TAF1: variants seen among roughly 807,000 people sequenced by gnomAD.
TAF1 encodes TATA-box binding protein associated factor 1.
Under a neutral mutation model 138.5 loss-of-function variants are expected in TAF1, and 2 were observed. That is an observed-to-expected ratio of 0.01 (90% CI 0.01 to 0.05). The LOEUF is 0.05. TAF1 is among the 10% of genes least tolerant of loss of function. The pLI is 1.00. For synonymous variants in TAF1, 437 were observed against 503.2 expected, an observed-to-expected ratio of 0.87 and a Z score of 1.76; for missense variants, 709 against 1,478.0, an observed-to-expected ratio of 0.48 and a Z score of 8.53.
intron 13 of TAF1, among the ~76,000 whole-genome samples, chrX:71,504,741 CAAAAAAA>C (rs41370846): frequency 4.2e-3 from 24 of 5,691 alleles, no homozygotes; most frequent in Non-Finnish European, 6.6e-3. Context: ...GACCCTGTCT[CAAAAAAA>C]AAAAAAAAAA....
intron 13 of TAF1, among the ~76,000 whole-genome samples, chrX:71,495,611 G>C (rs1312676728): frequency 2.7e-5 from 3 of 112,072 alleles, no homozygotes; most frequent in Admixed American, 9.5e-5. Flanking sequence ...GACAGTTTTG[G>C]AGAGTCACTG....
intron 15 of TAF1, 142 bp from the exon 16 acceptor site, chrX:71,388,095 G>A (rs1476659068): frequency 2.0e-5 from 18 of 901,364 alleles, no homozygotes; most frequent in Non-Finnish European, 2.6e-5. Context: ...GCGAGACTCC[G>A]TCTCAGAAAA....
Position 71,389,777 on chromosome X carries a change from T to C in TAF1, c.2781+112T>C. 6 of 528,718 alleles carry C rather than the reference T, an allele frequency of 1.1e-5. No individual in the cohort carries two copies. The South Asian group carries it at 2.4e-4, about 21-fold the overall frequency. The allele number at this position is 528,718 out of a possible 1,213,427, so 43.6% of individuals were successfully genotyped here. A position where few individuals can be genotyped will look rare whatever the true frequency, so the allele number is the denominator to read the frequency against. ...TAAACTGTACACATTTAAAGTATAC[T>C]GTTAGATGTTCTTGCTTTATTCATG... On this transcript the variant is annotated intron_variant, in intron 18 of 37. Transcript: ENST00000423759.
intron 13 of TAF1, chrX:71,492,597 G>T: frequency 7.7e-6 from 1 of 130,357 alleles, no homozygotes; most frequent in East Asian, 2.3e-4. Context: ...CTCTCCACCA[G>T]CTCCACCCTC....
At chrX:71,466,749 T>C (rs58897393), downstream of TAF1, among the ~76,000 whole-genome samples, 8,144 of 110,659 alleles carry the variant, frequency 0.074, 666 homozygotes, top group African/African-American at 0.24. Flanking sequence ...CTACCTTGTC[T>C]TCCCAAAGTG....
chrX:71,478,587 C>T (rs2039019779), intron 13 of TAF1, among the ~76,000 whole-genome samples: 1 of 111,468 alleles, frequency 9.0e-6, no homozygotes, highest in Admixed American at 9.6e-5. Context: ...TGGCTCACAC[C>T]TGTAATCTCA....
At chrX:71,517,596 G>A (rs906403151) in intron 13 of TAF1, among the ~76,000 whole-genome samples, 2 of 111,985 alleles carry the variant, frequency 1.8e-5, no homozygotes, top group African/African-American at 6.5e-5. Flanking sequence ...CAGTCCTACA[G>A]CCACAAGGAA....
chrX:71,445,082 G>T (rs1357399694), intron 32 of TAF1, among the ~76,000 whole-genome samples: 3 of 109,919 alleles, frequency 2.7e-5, no homozygotes, highest in Admixed American at 9.8e-5. Flanking sequence ...GGTTGCTTCA[G>T]GTCAGGAGTT....
intron 36 of TAF1, 144 bp downstream of exon 36, chrX:71,459,852 G>A: frequency 1.9e-6 from 2 of 1,031,421 alleles, no homozygotes; most frequent in Non-Finnish European, 2.6e-6. Flanking sequence ...TGAGAGTACT[G>A]AGCACTCAGG....
At chrX:71,382,066 GT>G in intron 9 of TAF1, 147 bp downstream of exon 9, 1 of 663,642 alleles carries the variant, frequency 1.5e-6, no homozygotes, top group South Asian at 5.2e-5. Context: ...TTGGCTGTTA[GT>G]TTATATTATT....
intron 28 of TAF1, chrX:71,416,656 A>C (rs33978282): frequency 3.3e-6 from 1 of 298,699 alleles, no homozygotes; most frequent in African/African-American, 2.8e-5. Flanking sequence ...GTCGATAGAA[A>C]AGGGGCACAG....
chrX:71,399,253 CTTTTTT>C (rs1159549890), intron 24 of TAF1, among the ~76,000 whole-genome samples: 2 of 70,344 alleles, frequency 2.8e-5, no homozygotes, highest in African/African-American at 1.1e-4. Flanking sequence ...CATTTATTCT[CTTTTTT>C]TTTTTTTTTT....
chrX:71,379,127 T>C (rs958808989), intron 8 of TAF1, 96 bp downstream of exon 8: 3 of 837,403 alleles, frequency 3.6e-6, no homozygotes, highest in Non-Finnish European at 4.9e-6. Context: ...TTTTTTTTTT[T>C]TCGGTGAGAC....
intron 32 of TAF1, among the ~76,000 whole-genome samples, chrX:71,426,768 C>G (rs775996866): frequency 9.1e-6 from 1 of 110,103 alleles, no homozygotes; most frequent in Non-Finnish European, 1.9e-5. Flanking sequence ...AGTGTACATA[C>G]TGGTAAATAA....
chrX:71,487,389 C>A (rs1268455475), intron 13 of TAF1, among the ~76,000 whole-genome samples: 3 of 99,996 alleles, frequency 3.0e-5, no homozygotes, highest in Non-Finnish European at 4.0e-5. Context: ...AGTGGCGCGA[C>A]CTTGGCTCAC....
At position 71,381,966 on chromosome X, in the gene TAF1, C is replaced by T. The variant is rs780765615; in HGVS notation, c.1537+47C>T. On this transcript the variant is annotated intron_variant, in intron 9 of 37. Transcript: ENST00000423759. ...GTGTTTCTTCTCCTTTGAAAACTTG[C>T]TGTTAATGTCAACGGGCAGGAGGAA... 4.3e-5 allele frequency: 47 copies of T among 1,099,759 alleles called. No homozygotes were observed. In the South Asian group the frequency reaches 1.0e-3, roughly 24 times the overall value. The allele number at this position is 1,099,759 out of a possible 1,213,427, so 90.6% of individuals were successfully genotyped here. A position where few individuals can be genotyped will look rare whatever the true frequency, so the allele number is the denominator to read the frequency against.
At chrX:71,463,687 T>C in intron 37 of TAF1, 137 bp from the exon 38 acceptor site, 2 of 552,989 alleles carry the variant, frequency 3.6e-6, no homozygotes, top group Admixed American at 7.2e-5. Context: ...CTCAGGGACA[T>C]GTAGAATAGT....
Position 71,408,099 on chromosome X carries a change from A to G in TAF1, c.4332A>G (p.Glu1444=). 1 of 1,211,643 alleles carries G rather than the reference A, an allele frequency of 8.3e-7. No individual in the cohort carries two copies. The highest frequency in any genetic ancestry group is 1.1e-6 in the Non-Finnish European group (1 of 895,562). ...NVRKRLYPSR[E]EFREHLELIV... ...GTAAACGCCTCTACCCATCTCGGGA[A>G]GAGTTCAGAGAGCATCTGGAGCTAA... The change falls in exon 28 of 38, where the codon GAA becomes GAG. Residue 1444 remains glutamate, a synonymous_variant. Coordinates refer to ENST00000423759, the MANE Select transcript of TAF1 (RefSeq NM_004606.5).
chrX:71,411,487 GAA>G (rs1013878694), intron 28 of TAF1, among the ~76,000 whole-genome samples: 4 of 108,710 alleles, frequency 3.7e-5, no homozygotes, highest in Admixed American at 2.0e-4. Flanking sequence ...TCAAAAAAAA[GAA>G]AAAAAAAGAT....
Sources: allele counts gnomAD v4.1 joint callset (sites outside exome capture counted in the v4.1 genomes callset), GRCh38; gene constraint gnomAD v4.1.1; transcripts MANE v1.5; gene names NCBI Gene and HGNC (gene_info 2026-07-23, HGNC 2026-07-21).